Variants in SRPK2 observed in about 807,000 individuals in gnomAD.
The protein encoded by SRPK2 is SFRS protein kinase 2.
Under a neutral mutation model 90.8 loss-of-function variants are expected in SRPK2, and 21 were observed. That is an observed-to-expected ratio of 0.23 (90% CI 0.16 to 0.33). SRPK2 has a LOEUF of 0.33. Among genes scored for constraint, SRPK2 ranks in the 10% least tolerant of loss-of-function variants. The probability of loss-of-function intolerance (pLI) is 1.00; values close to 1 mark genes in which losing one functional copy is unlikely to be tolerated. For synonymous variants in SRPK2, 288 were observed against 311.1 expected, an observed-to-expected ratio of 0.93 and a Z score of 0.78; for missense variants, 620 against 869.0, an observed-to-expected ratio of 0.71 and a Z score of 3.60.
At chr7:105,384,049 T>C (rs1184759838) in intron 2 of SRPK2, among the ~76,000 whole-genome samples, 4 of 152,166 alleles carry the variant, frequency 2.6e-5, no homozygotes, top group African/African-American at 7.2e-5. Flanking sequence ...GGCTGCACAA[T>C]TTAATGAATA....
intron 2 of SRPK2, among the ~76,000 whole-genome samples, chr7:105,385,323 G>C (rs930014448): frequency 2.0e-5 from 3 of 151,440 alleles, no homozygotes; most frequent in Non-Finnish European, 2.9e-5. Flanking sequence ...TGAGACTACA[G>C]GCGCCCGCCA....
intron 2 of SRPK2, among the ~76,000 whole-genome samples, chr7:105,309,963 G>A (rs145694701): frequency 1.3e-5 from 2 of 152,352 alleles, no homozygotes; most frequent in African/African-American, 2.4e-5. Flanking sequence ...AAGCACTGTG[G>A]TCTGCACAAT....
chr7:105,164,190 T>C (rs957411906), intron 6 of SRPK2, among the ~76,000 whole-genome samples: 5 of 152,142 alleles, frequency 3.3e-5, no homozygotes, highest in African/African-American at 1.2e-4. Context: ...GCAACCGTTT[T>C]TTGGGATGCT....
chr7:105,244,851 A>G, intron 2 of SRPK2: 5 of 1,146,286 alleles, frequency 4.4e-6, no homozygotes, highest in Non-Finnish European at 6.6e-6. Context: ...CTCCAAAGAC[A>G]AACGGGTCCT....
chr7:105,281,348 G>A (rs1366718422), intron 2 of SRPK2, among the ~76,000 whole-genome samples: 1 of 152,030 alleles, frequency 6.6e-6, no homozygotes, highest in Admixed American at 6.6e-5. Context: ...TATCCACCTC[G>A]GCCGCCCAAA....
chr7:105,285,281 G>A (rs2130895310), intron 2 of SRPK2, among the ~76,000 whole-genome samples: 1 of 151,228 alleles, frequency 6.6e-6, no homozygotes, highest in Non-Finnish European at 1.5e-5. Context: ...AGCTACTCGG[G>A]AGGCTGAGGT....
chr7:105,367,745 G>A (rs1298823769), intron 2 of SRPK2, among the ~76,000 whole-genome samples: 2 of 152,128 alleles, frequency 1.3e-5, no homozygotes, highest in Non-Finnish European at 2.9e-5. Context: ...TGTACAGTCT[G>A]TACACACACA....
intron 15 of SRPK2, among the ~76,000 whole-genome samples, chr7:105,123,739 C>T (rs565998621): frequency 2.6e-5 from 4 of 152,236 alleles, no homozygotes; most frequent in South Asian, 4.1e-4. Flanking sequence ...TCTGTAAAAA[C>T]CCTAAATCCC....
At chr7:105,320,043 A>G (rs140558085) in intron 2 of SRPK2, among the ~76,000 whole-genome samples, 35 of 152,314 alleles carry the variant, frequency 2.3e-4, no homozygotes, top group East Asian at 1.2e-3. Flanking sequence ...TCCAAATAAT[A>G]AAATGGTCTT....
chr7:105,219,634 C>A lies in SRPK2; in HGVS notation c.72-15849G>T, dbSNP rs1338416793. 3.3e-5 allele frequency among the ~76,000 whole-genome samples: 5 copies of A among 152,300 alleles called. No individual in the cohort carries two copies. The East Asian group carries it at 9.6e-4, about 29-fold the overall frequency. ...TAGTCCCTACGTACTTAGTAGAGCT[C>A]CTTACTTAGACATTAAATAACAGAT... On this transcript the variant is annotated intron_variant, in intron 2 of 15. Transcript: ENST00000393651.
intron 2 of SRPK2, among the ~76,000 whole-genome samples, chr7:105,205,447 T>TC (rs1470643912): frequency 6.6e-6 from 1 of 151,448 alleles, no homozygotes; most frequent in Admixed American, 6.6e-5. Flanking sequence ...ATGATAACAC[T>TC]CCAAGTTAAC....
chr7:105,309,883 T>C, intron 2 of SRPK2, among the ~76,000 whole-genome samples: 1 of 152,154 alleles, frequency 6.6e-6, no homozygotes, highest in African/African-American at 2.4e-5. Flanking sequence ...AAACAAGAAG[T>C]CTCAGTTTAT....
intron 2 of SRPK2, among the ~76,000 whole-genome samples, chr7:105,359,622 C>T (rs574098938): frequency 1.3e-5 from 2 of 152,296 alleles, no homozygotes; most frequent in East Asian, 1.9e-4. Flanking sequence ...TCTTCCTCAT[C>T]GTCTGGCAGT....
Position 105,388,576 on chromosome 7 carries a change from T to TC in SRPK2, c.71+71dup. 3 of 1,410,922 alleles carry TC rather than the reference T, an allele frequency of 2.1e-6. No homozygotes were observed. The South Asian group carries it at 3.8e-5, about 18-fold the overall frequency. 87.4% of individuals were successfully genotyped at this position (1,410,922 alleles called of 1,614,324 possible). On this transcript the variant is annotated intron_variant, in intron 2 of 15. Transcript: ENST00000393651. Reference sequence around the variant, plus strand: ...GCCGGCCCGGGGACCCGGACAACTTTCCCCTGCGCGGCCGCGGGCGCCCCC... The same window carrying TC: ...GCCGGCCCGGGGACCCGGACAACTTTCCCCCTGCGCGGCCGCGGGCGCCCCC...
At chr7:105,131,246 C>CTT (rs1801955793) in intron 13 of SRPK2, among the ~76,000 whole-genome samples, 1 of 152,190 alleles carries the variant, frequency 6.6e-6, no homozygotes, top group African/African-American at 2.4e-5. Context: ...TCCCCACATC[C>CTT]TGAAATGGCC....
chr7:105,377,452 G>A (rs560071448), intron 2 of SRPK2, among the ~76,000 whole-genome samples: 3 of 152,156 alleles, frequency 2.0e-5, no homozygotes, highest in African/African-American at 2.4e-5. Flanking sequence ...CAGCACTTTG[G>A]GGGGCGGAGG....
intron 15 of SRPK2, chr7:105,125,827 A>T (rs1801115923): frequency 2.0e-5 from 26 of 1,294,192 alleles, no homozygotes; most frequent in Non-Finnish European, 2.6e-5. Context: ...AACATAGCGT[A>T]TTTTCGAGGG....
chr7:105,230,681 T>A (rs1483912147), intron 2 of SRPK2, among the ~76,000 whole-genome samples: 1 of 152,178 alleles, frequency 6.6e-6, no homozygotes, highest in Admixed American at 6.5e-5. Context: ...AAATGGACAC[T>A]CACATGTTGA....
intron 3 of SRPK2, among the ~76,000 whole-genome samples, chr7:105,187,734 C>T (rs1408909812): frequency 1.3e-5 from 2 of 152,086 alleles, no homozygotes; most frequent in South Asian, 2.1e-4. Flanking sequence ...TCTGACCAGA[C>T]GTTCAGGTTT....
Sources: allele counts gnomAD v4.1 joint callset (sites outside exome capture counted in the v4.1 genomes callset), GRCh38; gene constraint gnomAD v4.1.1; transcripts MANE v1.5; gene names NCBI Gene and HGNC (gene_info 2026-07-23, HGNC 2026-07-21).